Variants in PTPRD observed in about 807,000 individuals in gnomAD.
PTPRD encodes the protein protein tyrosine phosphatase receptor type D.
In PTPRD, 34 loss-of-function variants were observed where a neutral mutation model predicts 214.5. The observed-to-expected ratio is 0.16, with a 90% CI of 0.12 to 0.21. The LOEUF (loss-of-function observed/expected upper bound fraction) is 0.21, where lower values mean the gene tolerates loss of function less well. Among genes scored for constraint, PTPRD ranks in the 10% least tolerant of loss-of-function variants. The pLI, the probability that PTPRD is intolerant of heterozygous loss-of-function variation, is 1.00. For missense variants in PTPRD, 2,545 were observed against 2,398.7 expected (o/e 1.06, Z -1.27); for synonymous variants, 1,128 against 845.7 (o/e 1.33, Z -5.79).
At chr9:9,970,569 C>G (rs143518670) in intron 4 of PTPRD, among the ~76,000 whole-genome samples, 1 of 151,970 alleles carries the variant, frequency 6.6e-6, no homozygotes, top group Admixed American at 6.6e-5. Context: ...AAAAATTGTC[C>G]TCCTCCCCCC....
At chr9:10,181,462 A>G (rs1388375932) in intron 3 of PTPRD, among the ~76,000 whole-genome samples, 1 of 151,998 alleles carries the variant, frequency 6.6e-6, no homozygotes, top group East Asian at 1.9e-4. Flanking sequence ...TCTTAGTGCA[A>G]TTCACTTCTA....
chr9:9,353,798 C>T (rs1314943166), intron 9 of PTPRD, among the ~76,000 whole-genome samples: 1 of 151,990 alleles, frequency 6.6e-6, no homozygotes, highest in South Asian at 2.1e-4. Flanking sequence ...CTTAAAACAA[C>T]ACCCTTTTAT....
intron 12 of PTPRD, among the ~76,000 whole-genome samples, chr9:8,687,208 T>C (rs2097698527): frequency 1.3e-5 from 2 of 152,080 alleles, no homozygotes; most frequent in South Asian, 2.1e-4. Flanking sequence ...CTGGAATACA[T>C]GGCAGAAATC....
intron 2 of PTPRD, among the ~76,000 whole-genome samples, chr9:10,522,575 T>C (rs576495345): frequency 6.6e-6 from 1 of 152,220 alleles, no homozygotes; most frequent in African/African-American, 2.4e-5. Context: ...TGAATCCAGA[T>C]TTTACAGAAA....
chr9:9,493,776 A>C (rs2096034120), intron 8 of PTPRD, among the ~76,000 whole-genome samples: 1 of 142,742 alleles, frequency 7.0e-6, no homozygotes. Flanking sequence ...TGACAGAGCA[A>C]GACTCCGTCT....
chr9:9,913,664 G>T (rs1388237987), intron 5 of PTPRD, among the ~76,000 whole-genome samples: 2 of 152,114 alleles, frequency 1.3e-5, no homozygotes, highest in Non-Finnish European at 2.9e-5. Flanking sequence ...CCAGGAAAAG[G>T]TAAGCAGAAG....
chr9:8,891,925 T>G (rs911081581), intron 11 of PTPRD, among the ~76,000 whole-genome samples: 8 of 152,186 alleles, frequency 5.3e-5, no homozygotes, highest in Non-Finnish European at 1.2e-4. Flanking sequence ...TTATCTCTGC[T>G]TTTCTGAGTG....
intron 3 of PTPRD, among the ~76,000 whole-genome samples, chr9:10,299,114 A>C (rs1160539662): frequency 6.6e-6 from 1 of 152,118 alleles, no homozygotes; most frequent in Non-Finnish European, 1.5e-5. Context: ...TGGGATTACT[A>C]TTTTACATTT....
At chr9:8,924,393 G>C (rs1457511984) in intron 11 of PTPRD, among the ~76,000 whole-genome samples, 1 of 152,170 alleles carries the variant, frequency 6.6e-6, no homozygotes, top group East Asian at 1.9e-4. Context: ...TCCTTGGTGG[G>C]ATAGAAAGAG....
intron 7 of PTPRD, among the ~76,000 whole-genome samples, chr9:9,695,483 G>A (rs1399070331): frequency 6.6e-6 from 1 of 152,142 alleles, no homozygotes; most frequent in Non-Finnish European, 1.5e-5. Context: ...TAGTTCACTG[G>A]CTCTAAGCTC....
chr9:9,514,386 G>A (rs72706521), intron 8 of PTPRD, among the ~76,000 whole-genome samples: 1 of 151,982 alleles, frequency 6.6e-6, no homozygotes, highest in African/African-American at 2.4e-5. Flanking sequence ...CTGTCAGTTT[G>A]GAGCTGTGTG....
chr9:9,952,759 G>T (rs956357824), intron 4 of PTPRD, among the ~76,000 whole-genome samples: 1 of 152,114 alleles, frequency 6.6e-6, no homozygotes, highest in African/African-American at 2.4e-5. Flanking sequence ...ACTGAAGATA[G>T]AGTACCTGTA....
intron 39 of PTPRD, among the ~76,000 whole-genome samples, chr9:8,375,483 A>G (rs1564380495): frequency 6.6e-6 from 1 of 152,098 alleles, no homozygotes; most frequent in Non-Finnish European, 1.5e-5. Context: ...GGCATCTTTA[A>G]GCAATAAGAT....
In PTPRD at chr9:9,637,789, G is replaced by A. The variant is rs528407550; in HGVS notation, c.-286-63008C>T. Among the ~76,000 whole-genome samples the A allele has an allele frequency of 3.3e-5, 5 of 152,252 alleles. No individual in the cohort carries two copies. The East Asian group carries it at 7.7e-4, about 24-fold the overall frequency. ...TAGCCCAGATCCCACAGTTCTGCTC[G>A]GCATTGCCCTAGTGGGGCACTGTGT... is the stretch of plus-strand genomic sequence containing the variant. On this transcript the variant is annotated intron_variant, in intron 7 of 45. Coordinates refer to ENST00000381196, the MANE Select transcript of PTPRD (RefSeq NM_002839.4).
chr9:10,347,042 A>G (rs1033595419), intron 2 of PTPRD, among the ~76,000 whole-genome samples: 8 of 152,092 alleles, frequency 5.3e-5, no homozygotes, highest in African/African-American at 1.9e-4. Flanking sequence ...AAAAATAAAA[A>G]TTATCTTTTC....
chr9:9,162,776 G>A (rs552318459), intron 10 of PTPRD, among the ~76,000 whole-genome samples: 15 of 151,946 alleles, frequency 9.9e-5, no homozygotes, highest in African/African-American at 3.6e-4. Context: ...ATTCTTGAAG[G>A]CATTATCTAT....
intron 14 of PTPRD, among the ~76,000 whole-genome samples, chr9:8,577,752 A>T (rs992283071): frequency 6.6e-6 from 1 of 152,214 alleles, no homozygotes; most frequent in African/African-American, 2.4e-5. Context: ...ATGGTTCCAG[A>T]GCAGCAGCCT....
At chr9:9,771,700 T>C (rs539603676) in intron 5 of PTPRD, among the ~76,000 whole-genome samples, 7 of 152,328 alleles carry the variant, frequency 4.6e-5, no homozygotes, top group African/African-American at 1.4e-4. Context: ...ACATCCCTAC[T>C]GATGTGTGAC....
intron 2 of PTPRD, among the ~76,000 whole-genome samples, chr9:10,515,630 T>G (rs946760919): frequency 1.1e-4 from 17 of 152,034 alleles, no homozygotes; most frequent in African/African-American, 3.9e-4. Flanking sequence ...TAACAGATTT[T>G]TAAAAGTACA....
Sources: gnomAD v4.1 joint callset for allele counts (sites outside exome capture counted in the v4.1 genomes callset) on GRCh38, gnomAD v4.1.1 for gene constraint, MANE v1.5 for transcripts, NCBI Gene and HGNC (gene_info 2026-07-23, HGNC 2026-07-21) for gene names.